The following GABPB1 variants were observed in gnomAD, a reference collection of about 807,000 sequenced individuals.
GABPB1 encodes GA-binding protein subunit beta-1.
Under a neutral mutation model 45.9 loss-of-function variants are expected in GABPB1, and 15 were observed. The observed-to-expected ratio is 0.33, with a 90% CI of 0.22 to 0.50. The LOEUF is 0.50. Ranked by LOEUF, GABPB1 falls within the 20% of genes least tolerant of loss-of-function variation. The pLI, the probability that GABPB1 is intolerant of heterozygous loss-of-function variation, is 0.98. For missense variants in GABPB1, 252 were observed against 457.5 expected (o/e 0.55, Z 4.10); for synonymous variants, 143 against 154.4 (o/e 0.93, Z 0.55).
intron 1 of GABPB1, among the ~76,000 whole-genome samples, chr15:50,316,607 C>A (rs1036815847): frequency 2.0e-4 from 22 of 111,402 alleles, no homozygotes; most frequent in Non-Finnish European, 3.7e-4. Flanking sequence ...CACATCCCTA[C>A]ACACACCCAG....
At chr15:50,299,192 A>C (rs536295540) in intron 6 of GABPB1, among the ~76,000 whole-genome samples, 20 of 152,320 alleles carry the variant, frequency 1.3e-4, no homozygotes, top group African/African-American at 4.8e-4. Flanking sequence ...AAAATGAATG[A>C]CAAATTATTC....
chr15:50,337,130 A>ATATATATATAT lies in GABPB1; in HGVS notation c.-1+17854_-1+17855insATATATATATA, dbSNP rs1285570529. 2.8e-3 allele frequency among the ~76,000 whole-genome samples: 11 copies of ATATATATATAT among 3,866 alleles called. 2 individuals carry two copies. Among genetic ancestry groups the ATATATATATAT allele is most frequent in the Non-Finnish European group, 4.1e-3 (10 of 2,430 alleles). The allele number at this position is 3,866 out of a possible 152,430, so 2.5% of individuals were successfully genotyped here. A position where few individuals can be genotyped will look rare whatever the true frequency, so the allele number is the denominator to read the frequency against. ...ATATATATATATATATATATATATAATATGAAGAGGTCAGAGCCCATCCAA... is the reference window on the plus strand; with the variant it reads ...ATATATATATATATATATATATATAATATATATATATTATGAAGAGGTCAGAGCCCATCCAA... On this transcript the variant is annotated intron_variant, in intron 1 of 8. Coordinates refer to ENST00000380877, the MANE Select transcript of GABPB1 (RefSeq NM_016654.5).
chr15:50,286,774 G>T (rs1287945527), intron 7 of GABPB1, among the ~76,000 whole-genome samples: 2 of 152,096 alleles, frequency 1.3e-5, no homozygotes, highest in Non-Finnish European at 2.9e-5. Context: ...GTATTGTACT[G>T]TTGGGCTTTT....
intron 8 of GABPB1, among the ~76,000 whole-genome samples, chr15:50,279,247 T>C (rs4775872): frequency 0.16 from 25,093 of 152,162 alleles, 2,241 homozygotes; most frequent in Middle Eastern, 0.2. Context: ...AAGACAGATA[T>C]TATGCACAAG....
intron 1 of GABPB1, among the ~76,000 whole-genome samples, chr15:50,332,159 G>C (rs2047970544): frequency 6.6e-6 from 1 of 152,084 alleles, no homozygotes; most frequent in Non-Finnish European, 1.5e-5. Flanking sequence ...ATAGGTATGA[G>C]CCACCGTGCC....
chr15:50,326,609 C>G (rs1029957656), intron 1 of GABPB1, among the ~76,000 whole-genome samples: 7 of 152,060 alleles, frequency 4.6e-5, no homozygotes, highest in Non-Finnish European at 7.3e-5. Context: ...TTGCAGTGAG[C>G]TGAGACGGCG....
intron 1 of GABPB1, among the ~76,000 whole-genome samples, chr15:50,325,753 G>A (rs1258155404): frequency 3.3e-5 from 5 of 151,690 alleles, no homozygotes; most frequent in Admixed American, 1.3e-4. Flanking sequence ...GGATGGTCTC[G>A]ATCTCCTAAC....
chr15:50,341,291 T>C (rs896437584), intron 1 of GABPB1, among the ~76,000 whole-genome samples: 1 of 152,120 alleles, frequency 6.6e-6, no homozygotes, highest in African/African-American at 2.4e-5. Context: ...CCCAGCACTT[T>C]GGGAGGCCAA....
intron 1 of GABPB1, among the ~76,000 whole-genome samples, chr15:50,317,334 GC>G (rs1389776214): frequency 6.7e-6 from 1 of 150,212 alleles, no homozygotes; most frequent in Non-Finnish European, 1.5e-5. Context: ...AACCCGGGAG[GC>G]AGAGGTTGCA....
intron 1 of GABPB1, among the ~76,000 whole-genome samples, chr15:50,328,128 AAT>A (rs956111994): frequency 6.6e-6 from 1 of 152,014 alleles, no homozygotes; most frequent in Non-Finnish European, 1.5e-5. Flanking sequence ...GCATATATAT[AAT>A]ATATACTGTA....
At chr15:50,340,547 CAAAAAAAAA>C (rs397853899) in intron 1 of GABPB1, among the ~76,000 whole-genome samples, 8 of 110,784 alleles carry the variant, frequency 7.2e-5, no homozygotes, top group Admixed American at 9.4e-5. Context: ...CTATAATCAC[CAAAAAAAAA>C]AAAAAAAAAA....
At chr15:50,297,014 G>A (rs976104076) in intron 6 of GABPB1, among the ~76,000 whole-genome samples, 9 of 145,226 alleles carry the variant, frequency 6.2e-5, no homozygotes, top group Non-Finnish European at 9.0e-5. Flanking sequence ...AGGTTCAAGC[G>A]ATTCTCCTGT....
intron 1 of GABPB1, among the ~76,000 whole-genome samples, chr15:50,342,147 A>G (rs1209887869): frequency 6.6e-6 from 1 of 152,222 alleles, no homozygotes; most frequent in Non-Finnish European, 1.5e-5. Context: ...CAGTTCAGAC[A>G]TTACCTCCTC....
At chr15:50,324,338 C>T (rs1439692636) in intron 1 of GABPB1, among the ~76,000 whole-genome samples, 2 of 152,134 alleles carry the variant, frequency 1.3e-5, no homozygotes, top group African/African-American at 2.4e-5. Context: ...TGTGACCAAG[C>T]ACCATCTCCC....
Position 50,286,061 on chromosome 15 carries a change from T to TC in GABPB1, c.999+6dup. On this transcript the variant is annotated splice_region_variant and intron_variant, in intron 8 of 8. Coordinates refer to ENST00000380877, the MANE Select transcript of GABPB1 (RefSeq NM_016654.5). ...CGGCAAAGCACACCGGGTAAAAGAC[T>TC]CCTTACTTCTATTTCTGCAGATTCC... The TC allele has an allele frequency of 6.2e-7, 1 of 1,611,740 alleles. No homozygotes were observed. The highest frequency in any genetic ancestry group is 1.1e-5 in the South Asian group (1 of 90,646).
intron 8 of GABPB1, among the ~76,000 whole-genome samples, chr15:50,283,700 T>C (rs773233203): frequency 1.9e-4 from 29 of 151,920 alleles, no homozygotes; most frequent in Admixed American, 1.0e-3. Flanking sequence ...TTAGTAGAGA[T>C]GGGGTTTTGC....
intron 2 of GABPB1, among the ~76,000 whole-genome samples, chr15:50,308,270 T>G (rs2141044744): frequency 6.6e-6 from 1 of 152,352 alleles, no homozygotes; most frequent in South Asian, 2.1e-4. Flanking sequence ...GAGCCTGGGG[T>G]AATCCCTAGT....
intron 6 of GABPB1, among the ~76,000 whole-genome samples, chr15:50,292,844 A>ATGTGTGTGTG (rs1234111426): frequency 1.2e-5 from 1 of 83,396 alleles, no homozygotes; most frequent in African/African-American, 5.4e-5. Context: ...AAAAGTGTGT[A>ATGTGTGTGTG]TATGTGTGTG....
Position 50,303,956 on chromosome 15 carries a change from G to T in GABPB1, c.276+10C>A. 1 of 1,574,152 alleles carries T rather than the reference G, an allele frequency of 6.4e-7. No individual in the cohort carries two copies. The highest frequency in any genetic ancestry group is 8.6e-7 in the Non-Finnish European group (1 of 1,163,568). On this transcript the variant is annotated intron_variant, in intron 3 of 8. Transcript: ENST00000380877. The stretch of plus-strand genomic sequence containing the variant: ...ATTTTAAAAGCAAAGTGCAAAAAGA[G>T]AACACATACCTTAAGTAAAACCTCT...
Sources: gnomAD v4.1 joint callset for allele counts (sites outside exome capture counted in the v4.1 genomes callset) on GRCh38, gnomAD v4.1.1 for gene constraint, MANE v1.5 for transcripts, NCBI Gene and HGNC (gene_info 2026-07-23, HGNC 2026-07-21) for gene names.